FLRT2: variants seen among roughly 807,000 people sequenced by gnomAD.
FLRT2 encodes fibronectin leucine rich transmembrane protein 2.
In FLRT2, 15 loss-of-function variants were observed where a neutral mutation model predicts 40.0. That is an observed-to-expected ratio of 0.38 (90% CI 0.25 to 0.58). The LOEUF is 0.58. FLRT2 is among the 20% of genes least tolerant of loss of function. The pLI is 0.71. For synonymous variants in FLRT2, 380 were observed against 336.8 expected (o/e 1.13, Z -1.41); for missense variants, 726 against 840.0 (o/e 0.86, Z 1.68).
chr14:85,615,090 G>A (rs115408215), intron 1 of FLRT2, among the ~76,000 whole-genome samples: 2 of 152,260 alleles, frequency 1.3e-5, no homozygotes, highest in Non-Finnish European at 2.9e-5. Flanking sequence ...AAGACAGTTG[G>A]CTATTCTTCT....
At chr14:85,596,923 G>A (rs1892165270) in intron 1 of FLRT2, among the ~76,000 whole-genome samples, 1 of 152,138 alleles carries the variant, frequency 6.6e-6, no homozygotes, top group Non-Finnish European at 1.5e-5. Flanking sequence ...TTTTCTGAGC[G>A]TCAAAGTCAA....
intron 1 of FLRT2, among the ~76,000 whole-genome samples, chr14:85,564,839 G>A (rs1890546716): frequency 6.6e-6 from 1 of 152,174 alleles, no homozygotes; most frequent in Non-Finnish European, 1.5e-5. Context: ...TCTCAAAGGG[G>A]TTTTTGGTTG....
intron 1 of FLRT2, among the ~76,000 whole-genome samples, chr14:85,538,249 G>C (rs1393053486): frequency 1.3e-5 from 2 of 152,186 alleles, no homozygotes; most frequent in South Asian, 4.2e-4. Flanking sequence ...AATCAGGGAA[G>C]GTCAAAGAAA....
At chr14:85,601,042 AG>A (rs1269434559) in intron 1 of FLRT2, among the ~76,000 whole-genome samples, 2 of 152,162 alleles carry the variant, frequency 1.3e-5, no homozygotes, top group East Asian at 3.9e-4. Flanking sequence ...CAGTAACAGG[AG>A]GGTGAGAGGG....
intron 1 of FLRT2, among the ~76,000 whole-genome samples, chr14:85,538,280 A>G (rs1888788525): frequency 6.6e-6 from 1 of 152,132 alleles, no homozygotes; most frequent in South Asian, 2.1e-4. Context: ...ATAATTTGGA[A>G]AGTCAAAAGG....
chr14:85,541,269 A>G (rs1888970047), intron 1 of FLRT2, among the ~76,000 whole-genome samples: 1 of 152,190 alleles, frequency 6.6e-6, no homozygotes, highest in African/African-American at 2.4e-5. Flanking sequence ...TCATTCATTC[A>G]GGAGATGATT....
intron 1 of FLRT2, among the ~76,000 whole-genome samples, chr14:85,579,153 C>T (rs1413654968): frequency 6.6e-6 from 1 of 152,240 alleles, no homozygotes; most frequent in Non-Finnish European, 1.5e-5. Flanking sequence ...CCGGGAGCTG[C>T]CTTTGAAGTC....
In FLRT2 at chr14:85,630,536, G is replaced by C. The variant is rs184340790; in HGVS notation, c.*7039G>C. On this transcript the variant is annotated 3_prime_UTR_variant, in exon 2 of 2. Coordinates refer to ENST00000330753, the MANE Select transcript of FLRT2 (RefSeq NM_013231.6). ...CCGAGGCCTGGTAAGTTCTGGTGCA[G>C]AATAAGAATGTTTTCCAGGAGAGTT... 3 of 152,212 alleles carry C rather than the reference G, an allele frequency of 2.0e-5. No homozygotes were observed. The highest frequency in any genetic ancestry group is 7.2e-5 in the African/African-American group (3 of 41,550). The allele number at this position is 152,212 out of a possible 1,614,324, so 9.4% of individuals were successfully genotyped here. A position where few individuals can be genotyped will look rare whatever the true frequency, so the allele number is the denominator to read the frequency against.
In FLRT2 at chr14:85,635,177, A is replaced by G. The variant is rs1413933076; in HGVS notation, c.*11680A>G. 6.6e-6 allele frequency: 1 copy of G among 152,170 alleles called. No individual in the cohort carries two copies. The highest frequency in any genetic ancestry group is 1.5e-5 in the Non-Finnish European group (1 of 68,010). 9.4% of individuals were successfully genotyped at this position (152,170 alleles called of 1,614,324 possible). On this transcript the variant is annotated 3_prime_UTR_variant, in exon 2 of 2. Transcript: ENST00000330753. ...ATCAGGAGCTACAGAATCACAAAGA[A>G]CTGTGACTTTGTATCTGTGTGATAT... is the stretch of plus-strand genomic sequence containing the variant.
At chr14:85,582,160 A>G (rs771093823) in intron 1 of FLRT2, among the ~76,000 whole-genome samples, 103 of 152,312 alleles carry the variant, frequency 6.8e-4, no homozygotes, top group Non-Finnish European at 1.3e-3. Context: ...TTGATGGTAA[A>G]GCAAAAACAA....
intron 1 of FLRT2, among the ~76,000 whole-genome samples, chr14:85,536,624 G>A (rs1165026943): frequency 1.4e-5 from 2 of 139,596 alleles, no homozygotes; most frequent in African/African-American, 5.6e-5. Flanking sequence ...TCTGTGAGAA[G>A]TGAATACTCA....
rs1370511698 is a variant in FLRT2, at chr14:85,635,911, T to G, written c.*12414T>G. Reference sequence around the variant, plus strand: ...TATTTCATCACATCATACACCTGAATGTAATCAACATTGCTTTATTAAAGA... The same window carrying G: ...TATTTCATCACATCATACACCTGAAGGTAATCAACATTGCTTTATTAAAGA... On this transcript the variant is annotated 3_prime_UTR_variant, in exon 2 of 2. Coordinates refer to ENST00000330753, the MANE Select transcript of FLRT2 (RefSeq NM_013231.6). The G allele has an allele frequency of 6.6e-6, 1 of 152,124 alleles. No homozygotes were observed. The highest frequency in any genetic ancestry group is 1.5e-5 in the Non-Finnish European group (1 of 67,972). 9.4% of individuals were successfully genotyped at this position (152,124 alleles called of 1,614,324 possible).
chr14:85,637,036 A>T lies in FLRT2; in HGVS notation c.*13539A>T, dbSNP rs1894026449. Reference sequence around the variant, plus strand: ...TTACAAAACAATAATCTAAGTGGGCAAGTAAATACTGGTGTGACATACATT... The same window carrying T: ...TTACAAAACAATAATCTAAGTGGGCTAGTAAATACTGGTGTGACATACATT... On this transcript the variant is annotated 3_prime_UTR_variant, in exon 2 of 2. Coordinates refer to ENST00000330753, the MANE Select transcript of FLRT2 (RefSeq NM_013231.6). The T allele has an allele frequency of 6.6e-6, 1 of 152,130 alleles. No individual in the cohort carries two copies. Among genetic ancestry groups the T allele is most frequent in the Non-Finnish European group, 1.5e-5 (1 of 68,014 alleles). 9.4% of individuals were successfully genotyped at this position (152,130 alleles called of 1,614,324 possible).
intron 1 of FLRT2, among the ~76,000 whole-genome samples, chr14:85,536,464 G>A (rs1888665360): frequency 6.6e-6 from 1 of 152,122 alleles, no homozygotes; most frequent in Non-Finnish European, 1.5e-5. Context: ...AGGTCAAGGT[G>A]ATGTAATATT....
Position 85,651,134 on chromosome 14 carries a change from T to C in FLRT2, c.*27637T>C, listed in dbSNP as rs1186284060. On this transcript the variant is annotated 3_prime_UTR_variant, in exon 2 of 2. Transcript: ENST00000330753. Reference sequence around the variant, plus strand: ...TTAAACTTTTCTAATTCAATTATCTTTTTTGATTAATCAATTGTTTAGGAT... The same window carrying C: ...TTAAACTTTTCTAATTCAATTATCTCTTTTGATTAATCAATTGTTTAGGAT... The C allele has an allele frequency of 6.6e-6, 1 of 151,884 alleles. No homozygotes were observed. 9.4% of individuals were successfully genotyped at this position (151,884 alleles called of 1,614,324 possible). A position where few individuals can be genotyped will look rare whatever the true frequency, so the allele number is the denominator to read the frequency against.
intron 1 of FLRT2, among the ~76,000 whole-genome samples, chr14:85,539,605 G>A (rs2139807397): frequency 6.6e-6 from 1 of 152,228 alleles, no homozygotes; most frequent in East Asian, 1.9e-4. Flanking sequence ...ATTCAGCCTT[G>A]TATGAATTAC....
rs577093840 is a variant in FLRT2 at position 85,625,417 on chromosome 14, A to G, written c.*1920A>G. 5 of 167,076 alleles carry G rather than the reference A, an allele frequency of 3.0e-5. No homozygotes were observed. The East Asian group carries it at 9.6e-4, about 32-fold the overall frequency. The allele number at this position is 167,076 out of a possible 1,614,324, so 10.3% of individuals were successfully genotyped here. On this transcript the variant is annotated 3_prime_UTR_variant, in exon 2 of 2. Transcript: ENST00000330753. ...TAAGAGCTTTATTTTCTTTAATAAT[A>G]TAGCCCAACTTATATGTTTTAATCT...
chr14:85,596,285 C>T (rs1434800700), intron 1 of FLRT2, among the ~76,000 whole-genome samples: 1 of 152,134 alleles, frequency 6.6e-6, no homozygotes, highest in African/African-American at 2.4e-5. Context: ...TAGGTGCGGT[C>T]CATTGAATTA....
intron 1 of FLRT2, among the ~76,000 whole-genome samples, chr14:85,560,471 A>C (rs757710829): frequency 1.3e-5 from 2 of 152,076 alleles, no homozygotes; most frequent in Non-Finnish European, 2.9e-5. Context: ...GCTACTTGGG[A>C]AGCTGAAGGA....
Sources: gnomAD v4.1 joint callset for allele counts (sites outside exome capture counted in the v4.1 genomes callset) on GRCh38, gnomAD v4.1.1 for gene constraint, MANE v1.5 for transcripts, NCBI Gene and HGNC (gene_info 2026-07-23, HGNC 2026-07-21) for gene names.